Variants in ZNF548 observed in about 807,000 individuals in gnomAD.
ZNF548 encodes the protein zinc finger protein 548.
In ZNF548, 10 loss-of-function variants were observed where a neutral mutation model predicts 10.2. The observed-to-expected ratio is 0.98, with a 90% confidence interval of 0.60 to 1.66. The LOEUF (loss-of-function observed/expected upper bound fraction) is 1.66, where lower values mean the gene tolerates loss of function less well. Among genes scored for constraint, ZNF548 ranks in the 40% most tolerant of loss-of-function variants. ZNF548 has a pLI of 0.00. For missense variants in ZNF548, 599 were observed against 657.0 expected (o/e 0.91, Z 0.97); for synonymous variants, 217 against 223.5 (o/e 0.97, Z 0.26).
Position 57,398,521 on chromosome 19 carries a change from G to A in ZNF548, c.270G>A (p.Leu90=). ...VSEVTASKPC[L]SSQKVHPSET... is the part of the protein sequence containing the mutation. ...AGGTTACAGCTTCAAAGCCCTGTCT[G>A]TCCAGCCAGAAGGTCCACCCTAGTG... The change falls in exon 4 of 4, where the codon CTG becomes CTA. Residue 90 remains leucine, a synonymous_variant. Transcript: ENST00000336128. 3.7e-6 allele frequency: 6 copies of A among 1,614,134 alleles called. No homozygotes were observed. Among genetic ancestry groups the A allele is most frequent in the Non-Finnish European group, 5.1e-6 (6 of 1,179,954 alleles).
rs368616956 is a variant in ZNF548 at position 57,397,177 on chromosome 19, A to G, written c.178+3A>G. 3 of 1,600,740 alleles carry G rather than the reference A, an allele frequency of 1.9e-6. No individual in the cohort carries two copies. The highest frequency in any genetic ancestry group is 1.3e-5 in the African/African-American group (1 of 74,460). On this transcript the variant is annotated splice_donor_region_variant and intron_variant, in intron 3 of 3. Coordinates refer to ENST00000336128, the MANE Select transcript of ZNF548 (RefSeq NM_001172773.2). ...TTTGGCCCTTTTGTCCTCACTAGGT[A>G]AGGCCCTCACACTTGCCCAGTGTCC...
chr19:57,390,459 C>T, intron 1 of ZNF548: 2 of 259,788 alleles, frequency 7.7e-6, no homozygotes, highest in Non-Finnish European at 1.5e-5. Flanking sequence ...GTCCAGAGTT[C>T]GAAGTTTCAA....
rs761490036 is a variant in ZNF548 at position 57,399,466 on chromosome 19, T to C, written c.1215T>C (p.Tyr405=). The stretch of plus-strand genomic sequence containing the variant: ...GAAATCACACTGGAGAAAGGCCTTA[T>C]AAATGCAGTGAATGTGGGAAATCAT... ...HWRNHTGERP[Y]KCSECGKSFR... is the part of the protein sequence containing the mutation. The change falls in exon 4 of 4, where the codon TAT becomes TAC. Residue 405 remains tyrosine, a synonymous_variant. Coordinates refer to ENST00000336128, the MANE Select transcript of ZNF548 (RefSeq NM_001172773.2). This position sits in a 1 kb window ranked among gnomAD's most constrained non-coding sequence, Gnocchi z 4.0. 2 of 1,613,854 alleles carry C rather than the reference T, an allele frequency of 1.2e-6. No individual in the cohort carries two copies. The highest frequency in any genetic ancestry group is 2.2e-5 in the East Asian group (1 of 44,854).
chr19:57,397,315 A>G (rs1019532110), intron 3 of ZNF548, 141 bp downstream of exon 3: 14 of 1,303,682 alleles, frequency 1.1e-5, no homozygotes, highest in Admixed American at 5.1e-5. Context: ...TGTGGGAGGC[A>G]GGGCTGGGCC....
At position 57,399,015 on chromosome 19, in the gene ZNF548, A is replaced by T. The variant is rs760514967; in HGVS notation, c.764A>T (p.His255Leu). The T allele has an allele frequency of 5.2e-5, 84 of 1,614,074 alleles. No individual in the cohort carries two copies. Among genetic ancestry groups the T allele is most frequent in the Non-Finnish European group, 6.9e-5 (82 of 1,179,992 alleles). The change falls in exon 4 of 4, where the codon CAT becomes CTT. Residue 255 changes from histidine to leucine, a missense_variant. Transcript: ENST00000336128. The surrounding 1 kb of genome is among the most constrained non-coding windows in gnomAD (Gnocchi z 4.0). ...FFKYSANFMK[H>L]QTVHTSERTY... is the part of the protein sequence containing the mutation. ...AAGTACAGTGCCAATTTCATGAAACATCAGACAGTTCACACTAGTGAAAGG... is the reference window on the plus strand; with the variant it reads ...AAGTACAGTGCCAATTTCATGAAACTTCAGACAGTTCACACTAGTGAAAGG...
At chr19:57,393,933 T>C in intron 1 of ZNF548, 1 of 583,312 alleles carries the variant, frequency 1.7e-6, no homozygotes. Flanking sequence ...TACATGCTAC[T>C]GATGTTTGAT....
Position 57,398,483 on chromosome 19 carries a change from G to A in ZNF548, c.232G>A (p.Val78Ile). ...EEAPSQQGFS[V>I]GVSEVTASKP... is the part of the protein sequence containing the mutation. The stretch of plus-strand genomic sequence containing the variant: ...GGCACCTTCACAGCAAGGTTTTTCT[G>A]TAGGAGTGTCAGAGGTTACAGCTTC... Residue 78 changes from valine to isoleucine, a missense_variant, in exon 4 of 4, where the codon GTA (valine) becomes ATA (isoleucine). Val to Ile is a conservative substitution (Grantham distance 29, BLOSUM62 3). Coordinates refer to ENST00000336128, the MANE Select transcript of ZNF548 (RefSeq NM_001172773.2). The A allele has an allele frequency of 6.2e-7, 1 of 1,614,216 alleles. No individual in the cohort carries two copies. Among genetic ancestry groups the A allele is most frequent in the Non-Finnish European group, 8.5e-7 (1 of 1,180,030 alleles).
At chr19:57,390,998 G>A (rs1269055972) in intron 1 of ZNF548, among the ~76,000 whole-genome samples, 1 of 152,184 alleles carries the variant, frequency 6.6e-6, no homozygotes, top group Non-Finnish European at 1.5e-5. Flanking sequence ...GTCAAGTGCA[G>A]TTTTGTTATA....
chr19:57,393,604 G>C (rs896091608), intron 1 of ZNF548, among the ~76,000 whole-genome samples: 5 of 149,850 alleles, frequency 3.3e-5, no homozygotes, highest in African/African-American at 1.2e-4. Context: ...AGGTTGCAGT[G>C]AGCCAAGACC....
At chr19:57,396,917 A>G in intron 2 of ZNF548, 131 bp from the exon 3 acceptor site, 1 of 1,333,072 alleles carries the variant, frequency 7.5e-7, no homozygotes, top group East Asian at 2.4e-5. Context: ...GGTAGGGGAG[A>G]TGGAAACACA....
chr19:57,390,037 C>T lies in ZNF548; in HGVS notation c.-63C>T, dbSNP rs756256684. 13 of 1,592,360 alleles carry T rather than the reference C, an allele frequency of 8.2e-6. No homozygotes were observed. Among genetic ancestry groups the T allele is most frequent in the African/African-American group, 1.3e-5 (1 of 74,772 alleles). ...GACAAGCGCTGGGGACAGTGGCGTC[C>T]TTGTCTTGCCTTTGTCGCTCCCGCC... On this transcript the variant is annotated 5_prime_UTR_variant, in exon 1 of 4. Coordinates refer to ENST00000336128, the MANE Select transcript of ZNF548 (RefSeq NM_001172773.2).
intron 1 of ZNF548, among the ~76,000 whole-genome samples, chr19:57,392,058 C>A (rs887842578): frequency 3.3e-5 from 5 of 151,512 alleles, no homozygotes; most frequent in African/African-American, 4.9e-5. Context: ...CTCGGCCTCC[C>A]AAAGTGCTGG....
chr19:57,393,310 A>G (rs2088639931), intron 1 of ZNF548, among the ~76,000 whole-genome samples: 1 of 152,152 alleles, frequency 6.6e-6, no homozygotes, highest in Non-Finnish European at 1.5e-5. Context: ...ATTAGACAGT[A>G]TCTTTCTAAG....
In ZNF548 at chr19:57,390,001, G is replaced by A; in HGVS notation, c.-99G>A. On this transcript the variant is annotated 5_prime_UTR_variant, in exon 1 of 4. In the 5' UTR this introduces an upstream ATG that the reference lacks. Transcript: ENST00000336128. ...CGGTTCCCACCACGGAGAGGCGGGA[G>A]TGAGTCAACTGACAAGCGCTGGGGA... 3.5e-6 allele frequency: 5 copies of A among 1,410,464 alleles called. No homozygotes were observed. Among genetic ancestry groups the A allele is most frequent in the Non-Finnish European group, 4.8e-6 (5 of 1,052,424 alleles). 87.4% of individuals were successfully genotyped at this position (1,410,464 alleles called of 1,614,324 possible).
chr19:57,394,270 G>A, intron 2 of ZNF548, 47 bp downstream of exon 2: 1 of 1,582,474 alleles, frequency 6.3e-7, no homozygotes, highest in Non-Finnish European at 8.6e-7. Context: ...TTATCTCCCA[G>A]ATGGTTTTGG....
chr19:57,394,052 A>C, intron 1 of ZNF548, 136 bp from the exon 2 acceptor site: 1 of 897,694 alleles, frequency 1.1e-6, no homozygotes, highest in Non-Finnish European at 1.8e-6. Flanking sequence ...GAGCTGCAGC[A>C]CTGAGGCCTG....
intron 3 of ZNF548, among the ~76,000 whole-genome samples, chr19:57,398,175 G>A (rs1157478090): frequency 6.6e-6 from 1 of 152,206 alleles, no homozygotes; most frequent in Non-Finnish European, 1.5e-5. Context: ...TTTCAGAGGA[G>A]TGAGTTGGAG....
chr19:57,396,378 G>T (rs2088664645), intron 2 of ZNF548, among the ~76,000 whole-genome samples: 1 of 152,168 alleles, frequency 6.6e-6, no homozygotes, highest in Non-Finnish European at 1.5e-5. Context: ...TCTGTGTGCT[G>T]GACACGGTGG....
At chr19:57,394,099 C>A in intron 1 of ZNF548, 89 bp from the exon 2 acceptor site, 1 of 1,397,336 alleles carries the variant, frequency 7.2e-7, no homozygotes. Flanking sequence ...CAGTTTGCTC[C>A]CAGGCAGGGC....
Sources: allele counts gnomAD v4.1 joint callset (sites outside exome capture counted in the v4.1 genomes callset), GRCh38; gene constraint gnomAD v4.1.1; non-coding constraint Gnocchi (gnomAD v3.1); transcripts MANE v1.5; gene names NCBI Gene and HGNC (gene_info 2026-07-23, HGNC 2026-07-21).